ATP2C2: variants seen among roughly 807,000 people sequenced by gnomAD.
ATP2C2 encodes the protein calcium-transporting ATPase type 2C member 2.
ATP2C2 carries 171 observed loss-of-function variants against 110.8 expected under a neutral mutation model. The ratio of observed to expected loss-of-function variants is 1.54; its 90% confidence interval spans 1.36 to 1.75. ATP2C2 has a LOEUF of 1.75. Among genes scored for constraint, ATP2C2 ranks in the 40% most tolerant of loss-of-function variants. The probability of loss-of-function intolerance (pLI) is 0.00; values close to 1 mark genes in which losing one functional copy is unlikely to be tolerated. For missense variants in ATP2C2, 1,963 were observed against 1,235.0 expected, an observed-to-expected ratio of 1.59 and a Z score of -8.84; for synonymous variants, 804 against 508.4, an observed-to-expected ratio of 1.58 and a Z score of -7.82.
intron 21 of ATP2C2, among the ~76,000 whole-genome samples, chr16:84,458,415 C>T (rs1910896014): frequency 7.2e-6 from 1 of 139,170 alleles, no homozygotes; most frequent in African/African-American, 2.7e-5. Flanking sequence ...TTAGTGGGTG[C>T]AGCGCACCAG....
chr16:84,444,914 G>C (rs753520050), intron 15 of ATP2C2, among the ~76,000 whole-genome samples: 1 of 152,222 alleles, frequency 6.6e-6, no homozygotes, highest in Non-Finnish European at 1.5e-5. Flanking sequence ...GGCCAGGCCA[G>C]TGGTTCCCGG....
intron 7 of ATP2C2, among the ~76,000 whole-genome samples, chr16:84,420,013 C>A (rs1214977108): frequency 6.6e-6 from 1 of 152,124 alleles, no homozygotes; most frequent in Non-Finnish European, 1.5e-5. Context: ...CTCATGCTGA[C>A]CAAAAAGCCT....
At position 84,422,493 on chromosome 16, in the gene ATP2C2, GCAA is replaced by G; in HGVS notation, c.731_733del (p.Asn244del). 6.2e-7 allele frequency: 1 copy of G among 1,614,134 alleles called. No homozygotes were observed. Among genetic ancestry groups the G allele is most frequent in the East Asian group, 2.2e-5 (1 of 44,866 alleles). On this transcript the variant is annotated inframe_deletion, in exon 8 of 27. Coordinates refer to ENST00000262429, the MANE Select transcript of ATP2C2 (RefSeq NM_014861.4). ...GGCGGTGGGGACCTCACCACCCTCA[GCAA>G]CATCGTCTTCATGGGGACCCTGGTG...
At chr16:84,391,113 CAAAAAAAAAA>C (rs567509863) in intron 1 of ATP2C2, among the ~76,000 whole-genome samples, 11 of 73,290 alleles carry the variant, frequency 1.5e-4, no homozygotes, top group African/African-American at 6.5e-4. Flanking sequence ...GACTCAGACT[CAAAAAAAAAA>C]AAAAAAAAAA....
intron 2 of ATP2C2, chr16:84,404,522 C>A: frequency 5.5e-6 from 1 of 180,388 alleles, no homozygotes; most frequent in Non-Finnish European, 1.2e-5. Flanking sequence ...TAGCACGTGT[C>A]AGCATTTTCT....
chr16:84,422,978 G>A (rs180970469), intron 9 of ATP2C2, among the ~76,000 whole-genome samples: 9 of 152,060 alleles, frequency 5.9e-5, no homozygotes, highest in South Asian at 2.1e-4. Flanking sequence ...TTTCAAACAC[G>A]TAAGACATTT....
intron 1 of ATP2C2, among the ~76,000 whole-genome samples, chr16:84,376,012 G>C (rs1189243596): frequency 1.3e-5 from 2 of 152,054 alleles, no homozygotes; most frequent in Non-Finnish European, 2.9e-5. Flanking sequence ...AGCATTATTA[G>C]GCAAGAATCC....
intron 2 of ATP2C2, among the ~76,000 whole-genome samples, chr16:84,403,616 T>G (rs1419238838): frequency 3.3e-5 from 5 of 152,166 alleles, no homozygotes; most frequent in African/African-American, 1.2e-4. Flanking sequence ...CCTTAACCAT[T>G]TTGAAGTGTA....
At chr16:84,456,386 T>C (rs1266936821) in intron 21 of ATP2C2, among the ~76,000 whole-genome samples, 3 of 152,112 alleles carry the variant, frequency 2.0e-5, no homozygotes, top group African/African-American at 4.8e-5. Context: ...GCCAATATCA[T>C]ACTGAATGGG....
chr16:84,431,625 G>A (rs1375029081), intron 11 of ATP2C2, among the ~76,000 whole-genome samples: 1 of 151,938 alleles, frequency 6.6e-6, no homozygotes, highest in Admixed American at 6.6e-5. Flanking sequence ...CACAGGCAAA[G>A]GTTTGGGGGT....
chr16:84,442,216 C>T (rs1393993380), intron 14 of ATP2C2, among the ~76,000 whole-genome samples: 1 of 152,122 alleles, frequency 6.6e-6, no homozygotes. Flanking sequence ...TTTGTCACCC[C>T]AAGTGGAAAT....
At position 84,441,484 on chromosome 16, in the gene ATP2C2, C is replaced by A. The variant is rs565625186; in HGVS notation, c.1311+526C>A. On this transcript the variant is annotated intron_variant, in intron 14 of 26. Coordinates refer to ENST00000262429, the MANE Select transcript of ATP2C2 (RefSeq NM_014861.4). ...AGTCCTGCGGTCCGAGCTGTACTCA[C>A]CCTTTCACAGGGGCTCCCTCCTCCC... Among the ~76,000 whole-genome samples the A allele has an allele frequency of 3.3e-3, 503 of 152,250 alleles. 1 individual carries two copies. Among genetic ancestry groups the A allele is most frequent in the Non-Finnish European group, 6.0e-3 (405 of 68,022 alleles).
intron 7 of ATP2C2, among the ~76,000 whole-genome samples, chr16:84,416,419 T>C (rs1906838933): frequency 6.6e-6 from 1 of 152,236 alleles, no homozygotes; most frequent in South Asian, 2.1e-4. Flanking sequence ...ATCTGCCTGA[T>C]TTATTTACTG....
intron 13 of ATP2C2, 104 bp from the exon 14 acceptor site, chr16:84,440,753 G>T: frequency 1.2e-6 from 1 of 827,044 alleles, no homozygotes; most frequent in Non-Finnish European, 2.0e-6. Flanking sequence ...TCCACGTTTA[G>T]GATTGTGTCC....
chr16:84,425,821 CCCTTG>C lies in ATP2C2; in HGVS notation c.986+28_986+32del. The stretch of plus-strand genomic sequence containing the variant: ...GGTCAGGTAAGAGTGCTATGGCCGC[CCCTTG>C]CCTTGCCAGGGTGGTCAATGGGCTC... On this transcript the variant is annotated intron_variant, in intron 11 of 26. Coordinates refer to ENST00000262429, the MANE Select transcript of ATP2C2 (RefSeq NM_014861.4). 6.2e-7 allele frequency: 1 copy of C among 1,613,582 alleles called. No individual in the cohort carries two copies. Among genetic ancestry groups the C allele is most frequent in the South Asian group, 1.1e-5 (1 of 91,060 alleles).
intron 1 of ATP2C2, among the ~76,000 whole-genome samples, chr16:84,397,311 A>G (rs1905047371): frequency 6.6e-6 from 1 of 151,606 alleles, no homozygotes; most frequent in Non-Finnish European, 1.5e-5. Flanking sequence ...AAAATGTCCC[A>G]TAGAACCAGG....
intron 11 of ATP2C2, among the ~76,000 whole-genome samples, chr16:84,430,935 G>C (rs1035637737): frequency 6.6e-6 from 1 of 152,080 alleles, no homozygotes; most frequent in African/African-American, 2.4e-5. Context: ...TGGGGACTCT[G>C]CTGCCAGCCA....
chr16:84,422,648 G>A lies in ATP2C2; in HGVS notation c.794G>A (p.Gly265Glu). The change falls in exon 9 of 27, where the codon GGG becomes GAG. Residue 265 changes from glycine (G) to glutamate (E), a missense_variant. Gly to Glu is a moderately conservative substitution (Grantham distance 98). Coordinates refer to ENST00000262429, the MANE Select transcript of ATP2C2 (RefSeq NM_014861.4). ...GRGQGVVIGT[G>E]ESSQFGEVFK... Reference sequence around the variant, plus strand: ...ACACAGGGGGTCGTGATTGGAACAGGGGAAAGCTCTCAGTTCGGAGAAGTG... The same window carrying A: ...ACACAGGGGGTCGTGATTGGAACAGAGGAAAGCTCTCAGTTCGGAGAAGTG... The A allele has an allele frequency of 5.6e-6, 9 of 1,613,660 alleles. No homozygotes were observed. The highest frequency in any genetic ancestry group is 7.6e-6 in the Non-Finnish European group (9 of 1,179,850).
intron 10 of ATP2C2, among the ~76,000 whole-genome samples, chr16:84,424,318 G>A (rs1346674540): frequency 2.0e-5 from 3 of 152,156 alleles, no homozygotes; most frequent in Admixed American, 6.5e-5. Flanking sequence ...TCACTCTGTT[G>A]CCCAGACTGG....
Sources: allele counts gnomAD v4.1 joint callset (sites outside exome capture counted in the v4.1 genomes callset), GRCh38; gene constraint gnomAD v4.1.1; transcripts MANE v1.5; gene names NCBI Gene and HGNC (gene_info 2026-07-23, HGNC 2026-07-21).